Variants in CAMKK2 observed in about 807,000 individuals in gnomAD.
CAMKK2 encodes the protein calcium/calmodulin dependent protein kinase kinase 2.
CAMKK2 carries 30 observed loss-of-function variants against 67.2 expected under a neutral mutation model. That is an observed-to-expected ratio of 0.45 (90% confidence interval 0.33 to 0.61). The LOEUF (loss-of-function observed/expected upper bound fraction) is 0.61, where lower values mean the gene tolerates loss of function less well. CAMKK2 is among the 20% of genes least tolerant of loss of function. CAMKK2 has a pLI of 0.02. For synonymous variants in CAMKK2, 322 were observed against 326.2 expected, an observed-to-expected ratio of 0.99 and a Z score of 0.14; for missense variants, 643 against 802.0, an observed-to-expected ratio of 0.80 and a Z score of 2.39.
At chr12:121,272,905 A>G (rs1239878879) in intron 2 of CAMKK2, among the ~76,000 whole-genome samples, 2 of 151,966 alleles carry the variant, frequency 1.3e-5, no homozygotes, top group African/African-American at 4.8e-5. Flanking sequence ...CCCTTTAGAA[A>G]GGCATCCTGA....
chr12:121,264,455 G>A (rs562361340), intron 5 of CAMKK2, among the ~76,000 whole-genome samples: 5 of 151,914 alleles, frequency 3.3e-5, no homozygotes, highest in Middle Eastern at 3.4e-3. Flanking sequence ...TGGGCAACAC[G>A]GCGAAACCCT....
chr12:121,274,805 CT>C (rs140150523), intron 1 of CAMKK2, among the ~76,000 whole-genome samples: 137 of 132,874 alleles, frequency 1.0e-3, no homozygotes, highest in Non-Finnish European at 1.2e-3. Context: ...CTTTTTTTTT[CT>C]TTTTTTTTTT....
At chr12:121,270,423 C>T (rs1895530778) in intron 3 of CAMKK2, among the ~76,000 whole-genome samples, 1 of 151,720 alleles carries the variant, frequency 6.6e-6, no homozygotes, top group Admixed American at 6.6e-5. Flanking sequence ...ATGGAAAGAT[C>T]TAGCTATATG....
intron 3 of CAMKK2, 75 bp downstream of exon 3, chr12:121,270,823 T>G: frequency 8.3e-7 from 1 of 1,209,032 alleles, no homozygotes; most frequent in South Asian, 1.2e-5. Context: ...GCTCCCAGCT[T>G]TACCCCGTTC....
intron 1 of CAMKK2, among the ~76,000 whole-genome samples, chr12:121,277,203 G>A (rs924935783): frequency 1.3e-5 from 2 of 152,182 alleles, no homozygotes; most frequent in East Asian, 1.9e-4. Flanking sequence ...GCCCTGACAC[G>A]GGCCTGACTC....
chr12:121,283,239 C>T (rs991503808), intron 1 of CAMKK2, among the ~76,000 whole-genome samples: 4 of 152,136 alleles, frequency 2.6e-5, no homozygotes, highest in Non-Finnish European at 5.9e-5. Flanking sequence ...TCCACGGAGG[C>T]GGTGCTGGAA....
intron 1 of CAMKK2, among the ~76,000 whole-genome samples, chr12:121,282,726 G>T (rs1402350565): frequency 3.3e-5 from 5 of 151,768 alleles, no homozygotes; most frequent in Admixed American, 6.6e-5. Flanking sequence ...CTCCAGAAAT[G>T]ACAGAATATA....
At chr12:121,260,139 A>G (rs1049897065) in intron 7 of CAMKK2, among the ~76,000 whole-genome samples, 180 bp downstream of exon 7, 5 of 152,160 alleles carry the variant, frequency 3.3e-5, no homozygotes, top group African/African-American at 1.2e-4. Flanking sequence ...TCCAGCAAGA[A>G]CTCCCTTCCA....
intron 1 of CAMKK2, among the ~76,000 whole-genome samples, chr12:121,294,144 G>C (rs1038027715): frequency 6.6e-6 from 1 of 152,004 alleles, no homozygotes; most frequent in African/African-American, 2.4e-5. Flanking sequence ...TGTTGGCCAG[G>C]CTGGTCTCGA....
chr12:121,275,917 T>C (rs1280928281), intron 1 of CAMKK2, among the ~76,000 whole-genome samples: 1 of 152,128 alleles, frequency 6.6e-6, no homozygotes, highest in Non-Finnish European at 1.5e-5. Flanking sequence ...ATCTCAGCAC[T>C]TTGGGAGGAC....
chr12:121,269,191 C>G (rs2136385969), intron 4 of CAMKK2, among the ~76,000 whole-genome samples: 1 of 152,248 alleles, frequency 6.6e-6, no homozygotes, highest in East Asian at 1.9e-4. Flanking sequence ...GATTCAGGTT[C>G]AAAACTACGC....
chr12:121,260,383 G>T, intron 6 of CAMKK2, 28 bp from the exon 7 acceptor site: 1 of 1,608,266 alleles, frequency 6.2e-7, no homozygotes, highest in Non-Finnish European at 8.5e-7. Context: ...GAATAGGCAG[G>T]AGACGGATGG....
chr12:121,290,785 C>A (rs1013780986), intron 1 of CAMKK2, among the ~76,000 whole-genome samples: 2 of 152,110 alleles, frequency 1.3e-5, no homozygotes, highest in African/African-American at 4.8e-5. Context: ...TGAATTGATC[C>A]AGGAGGCAAT....
Position 121,252,654 on chromosome 12 carries a change from C to A in CAMKK2, c.1161+7G>T, listed in dbSNP as rs201248378. ...GTACTGAGGGGACAGACACCCCGCC[C>A]TCTTACCTGGCCAAAGACAAAGCAG... On this transcript the variant is annotated splice_region_variant and intron_variant, in intron 11 of 16. Transcript: ENST00000404169. 1.2e-5 allele frequency: 19 copies of A among 1,614,120 alleles called. No homozygotes were observed. The highest frequency in any genetic ancestry group is 1.6e-5 in the Non-Finnish European group (19 of 1,179,952).
In CAMKK2 at chr12:121,253,430, T is replaced by C. The variant is rs764751426; in HGVS notation, c.950A>G (p.Asn317Ser). The change falls in exon 10 of 17, where the codon AAC becomes AGC. Residue 317 changes from asparagine (N) to serine (S), a missense_variant. Coordinates refer to ENST00000404169, the MANE Select transcript of CAMKK2 (RefSeq NM_001270485.2). The surrounding 1 kb of genome is among the most constrained non-coding windows in gnomAD (Gnocchi z 5.0). ...KIIHRDIKPS[N>S]LLVGEDGHIK... ...GTGCCCATCTTCTCCGACCAGGAGG[T>C]TGGAAGGTTTGATGTCACGGTGGAT... 3.1e-6 allele frequency: 5 copies of C among 1,613,354 alleles called. No homozygotes were observed. The highest frequency in any genetic ancestry group is 1.7e-5 in the Admixed American group (1 of 59,914).
At position 121,252,669 on chromosome 12, in the gene CAMKK2, A is replaced by G; in HGVS notation, c.1153T>C (p.Phe385Leu). 1 of 1,614,188 alleles carries G rather than the reference A, an allele frequency of 6.2e-7. No individual in the cohort carries two copies. The highest frequency in any genetic ancestry group is 8.5e-7 in the Non-Finnish European group (1 of 1,180,000). Reference sequence around the variant, plus strand: ...ACACCCCGCCCTCTTACCTGGCCAAAGACAAAGCAGTATAGTGTCACACCC... The same window carrying G: ...ACACCCCGCCCTCTTACCTGGCCAAGGACAAAGCAGTATAGTGTCACACCC... ...AMGVTLYCFV[F>L]GQCPFMDERI... Residue 385 changes from phenylalanine (F) to leucine (L), a missense_variant, in exon 11 of 17, where the codon TTT becomes CTT. Phe to Leu is a conservative substitution (Grantham distance 22). Around this residue, in one of 3 missense-constraint regions of CAMKK2, gnomAD observed 483 missense variants for 625.8 expected, o/e 0.77. Coordinates refer to ENST00000404169, the MANE Select transcript of CAMKK2 (RefSeq NM_001270485.2).
rs917895094 is a variant in CAMKK2, at chr12:121,240,704, C to T, written c.1762G>A (p.Glu588Lys). Residue 588 changes from glutamate to lysine, a missense_variant, in exon 17 of 17, where the codon GAG becomes AAG. Transcript: ENST00000404169. This position sits in a 1 kb window ranked among gnomAD's most constrained non-coding sequence, Gnocchi z 4.4. ...AGGTCGAGCGATCCAGGCAGCTACT[C>T]GGGCTCCATGGCCTCCTCCGGCCGC... ...PLRPEEAMEP[E>K] is the part of the protein sequence containing the mutation. 1.4e-5 allele frequency: 22 copies of T among 1,600,556 alleles called. No homozygotes were observed. The highest frequency in any genetic ancestry group is 1.8e-5 in the Non-Finnish European group (21 of 1,176,424).
chr12:121,260,563 C>G, intron 6 of CAMKK2: 3 of 583,808 alleles, frequency 5.1e-6, no homozygotes, highest in Non-Finnish European at 6.0e-6. Context: ...ATAAATGCCT[C>G]TCTGTCTGAT....
At chr12:121,257,212 A>G (rs1198688924) in intron 7 of CAMKK2, among the ~76,000 whole-genome samples, 3 of 151,830 alleles carry the variant, frequency 2.0e-5, no homozygotes, top group Non-Finnish European at 4.4e-5. Context: ...ACCTATGACT[A>G]TATCCACCTA....
Sources: gnomAD v4.1 joint callset for allele counts (sites outside exome capture counted in the v4.1 genomes callset) on GRCh38, gnomAD v4.1.1 for gene constraint, gnomAD v4.1.1 regional missense constraint, Gnocchi (gnomAD v3.1) non-coding constraint, MANE v1.5 for transcripts, NCBI Gene and HGNC (gene_info 2026-07-23, HGNC 2026-07-21) for gene names.